FNBP1: variants seen among roughly 807,000 people sequenced by gnomAD.
FNBP1 encodes formin binding protein 1.
In FNBP1, 26 loss-of-function variants were observed where a neutral mutation model predicts 90.6. The observed-to-expected ratio is 0.29, with a 90% confidence interval of 0.21 to 0.40. The LOEUF is 0.40. FNBP1 is among the 10% of genes least tolerant of loss of function. The probability of loss-of-function intolerance (pLI) is 1.00; values close to 1 mark genes in which losing one functional copy is unlikely to be tolerated. For synonymous variants in FNBP1, 260 were observed against 265.2 expected (o/e 0.98, Z 0.19); for missense variants, 635 against 768.0 (o/e 0.83, Z 2.05).
Position 130,041,872 on chromosome 9 carries a change from C to A in FNBP1, c.24+1080G>T, listed in dbSNP as rs74839682. Among the ~76,000 whole-genome samples, 5,128 of 152,242 alleles carry A rather than the reference C, an allele frequency of 0.034. 291 individuals carry two copies. The highest frequency in any genetic ancestry group is 0.12 in the African/African-American group (4,836 of 41,534). ...GATTTCTTGGCCTCATCTCAGATAG[C>A]AACACCACCCTACACTTTCTCCTCC... On this transcript the variant is annotated intron_variant, in intron 1 of 16. Coordinates refer to ENST00000446176, the MANE Select transcript of FNBP1 (RefSeq NM_015033.3). The surrounding 1 kb of genome is among the most constrained non-coding windows in gnomAD (Gnocchi z 4.3).
chr9:130,021,451 T>C (rs2057817837), intron 1 of FNBP1, among the ~76,000 whole-genome samples: 1 of 152,230 alleles, frequency 6.6e-6, no homozygotes, highest in African/African-American at 2.4e-5. Flanking sequence ...TTCTCCCACG[T>C]GCCATGAGAA....
At chr9:130,001,305 C>A (rs1163656355) in intron 1 of FNBP1, among the ~76,000 whole-genome samples, 4 of 109,922 alleles carry the variant, frequency 3.6e-5, no homozygotes, top group African/African-American at 1.4e-4. Flanking sequence ...GTGCAAGACT[C>A]CATCTCAAAA....
chr9:129,998,159 G>A (rs1448042428), intron 1 of FNBP1, among the ~76,000 whole-genome samples: 2 of 128,464 alleles, frequency 1.6e-5, no homozygotes, highest in Non-Finnish European at 3.2e-5. Flanking sequence ...TTGTACCACT[G>A]CACTCCAGTC....
chr9:129,891,716 CAG>C (rs1257418041), intron 16 of FNBP1, among the ~76,000 whole-genome samples: 6 of 152,052 alleles, frequency 3.9e-5, no homozygotes, highest in Non-Finnish European at 8.8e-5. Context: ...AGATCAGAAA[CAG>C]GGGAGGTGCC....
chr9:129,980,503 A>T (rs2051032715), intron 2 of FNBP1, among the ~76,000 whole-genome samples: 1 of 152,126 alleles, frequency 6.6e-6, no homozygotes, highest in African/African-American at 2.4e-5. Context: ...TGATGCTAAG[A>T]CATTTAACTA....
chr9:129,951,634 A>G (rs924892205), intron 6 of FNBP1, among the ~76,000 whole-genome samples: 1 of 149,168 alleles, frequency 6.7e-6, no homozygotes, highest in African/African-American at 2.5e-5. Context: ...TTGTAGAGAC[A>G]AGGTCTCACC....
intron 4 of FNBP1, among the ~76,000 whole-genome samples, chr9:129,971,124 C>T (rs766422754): frequency 2.6e-5 from 4 of 151,844 alleles, no homozygotes; most frequent in Non-Finnish European, 4.4e-5. Flanking sequence ...AACTCCTGAC[C>T]TTTTGATATG....
At chr9:130,046,588 A>G (rs972247251), upstream of FNBP1, among the ~76,000 whole-genome samples, 1 of 149,124 alleles carries the variant, frequency 6.7e-6, no homozygotes, top group African/African-American at 2.5e-5. Context: ...TACAAAAAAA[A>G]AAAAAAAAAA....
chr9:130,042,838 C>G lies in FNBP1; in HGVS notation c.24+114G>C, dbSNP rs2059962165. The G allele has an allele frequency of 1.4e-6, 1 of 693,034 alleles. No homozygotes were observed. The highest frequency in any genetic ancestry group is 4.5e-5 in the Admixed American group (1 of 22,126). The allele number at this position is 693,034 out of a possible 1,614,324, so 42.9% of individuals were successfully genotyped here. ...GCCTCCTCCCCAGGCCGCGAGGACC[C>G]CGACCAGCGCGCCCTCGCCTCCGCC... is the stretch of plus-strand genomic sequence containing the variant. On this transcript the variant is annotated intron_variant, in intron 1 of 16. Coordinates refer to ENST00000446176, the MANE Select transcript of FNBP1 (RefSeq NM_015033.3). This position sits in a 1 kb window ranked among gnomAD's most constrained non-coding sequence, Gnocchi z 5.5.
At chr9:130,001,938 G>C (rs975850812) in intron 1 of FNBP1, among the ~76,000 whole-genome samples, 1 of 151,258 alleles carries the variant, frequency 6.6e-6, no homozygotes, top group Admixed American at 6.6e-5. Flanking sequence ...TGAGGCAGGA[G>C]AATCATCTGA....
intron 16 of FNBP1, among the ~76,000 whole-genome samples, chr9:129,891,532 A>T (rs1125962): frequency 6.6e-6 from 1 of 152,014 alleles, no homozygotes; most frequent in Non-Finnish European, 1.5e-5. Context: ...TGAAGGTCCA[A>T]TTCTCTCAGA....
intron 16 of FNBP1, among the ~76,000 whole-genome samples, chr9:129,892,185 A>G (rs2035164503): frequency 6.6e-6 from 1 of 152,202 alleles, no homozygotes; most frequent in African/African-American, 2.4e-5. Context: ...TCATTCGAGT[A>G]CTGCTTTTAG....
At chr9:129,909,612 T>C (rs951829754) in intron 11 of FNBP1, among the ~76,000 whole-genome samples, 4 of 151,682 alleles carry the variant, frequency 2.6e-5, no homozygotes, top group Admixed American at 6.6e-5. Flanking sequence ...CTGCTGCCTC[T>C]AAAAGTCTAG....
At chr9:129,942,845 C>CT (rs58614417) in intron 6 of FNBP1, among the ~76,000 whole-genome samples, 16,593 of 53,662 alleles carry the variant, frequency 0.31, 2,000 homozygotes, top group East Asian at 0.72. Flanking sequence ...TTTTTTCTTT[C>CT]TTTTTTTTTT....
At chr9:129,928,892 A>T (rs2042308496) in intron 7 of FNBP1, among the ~76,000 whole-genome samples, 1 of 152,020 alleles carries the variant, frequency 6.6e-6, no homozygotes, top group African/African-American at 2.4e-5. Context: ...GGAATTTGAG[A>T]CCATCCTGGG....
At chr9:130,037,310 C>T (rs576488967) in intron 1 of FNBP1, among the ~76,000 whole-genome samples, 2 of 151,994 alleles carry the variant, frequency 1.3e-5, no homozygotes, top group East Asian at 1.9e-4. Flanking sequence ...GCTGAGATCG[C>T]GCCACTGCAC....
In FNBP1 at chr9:130,022,665, C is replaced by T. The variant is rs76277937; in HGVS notation, c.24+20287G>A. Among the ~76,000 whole-genome samples the T allele has an allele frequency of 6.3e-3, 961 of 152,176 alleles. 9 individuals are homozygous for T. Among genetic ancestry groups the T allele is most frequent in the African/African-American group, 0.022 (919 of 41,514 alleles). Reference sequence around the variant, plus strand: ...AAAATTTCACACAAATACCAACACTCGCTCTTTTTTTTTTTGAGACAGGGT... The same window carrying T: ...AAAATTTCACACAAATACCAACACTTGCTCTTTTTTTTTTTGAGACAGGGT... On this transcript the variant is annotated intron_variant, in intron 1 of 16. Coordinates refer to ENST00000446176, the MANE Select transcript of FNBP1 (RefSeq NM_015033.3).
At chr9:130,048,527 G>A in the FNBP1 span, among the ~76,000 whole-genome samples, 2 of 128,168 alleles carry the variant, frequency 1.6e-5, no homozygotes, top group Non-Finnish European at 3.1e-5. Flanking sequence ...TCGCTCTGTC[G>A]CAGTGCAGTG....
At chr9:129,977,484 A>ATTTTTTTTTTTTTTTTTT (rs34068585) in intron 4 of FNBP1, among the ~76,000 whole-genome samples, 4 of 139,258 alleles carry the variant, frequency 2.9e-5, no homozygotes, top group Non-Finnish European at 3.1e-5. Flanking sequence ...ACAAGCACTA[A>ATTTTTTTTTTTTTTTTTT]TTTTTTTTTT....
Sources: gnomAD v4.1 joint callset for allele counts (sites outside exome capture counted in the v4.1 genomes callset) on GRCh38, gnomAD v4.1.1 for gene constraint, Gnocchi (gnomAD v3.1) non-coding constraint, MANE v1.5 for transcripts, NCBI Gene and HGNC (gene_info 2026-07-23, HGNC 2026-07-21) for gene names.